The following MYOT variants were observed in gnomAD, a reference collection of about 807,000 sequenced individuals.
The protein encoded by MYOT is myotilin.
A neutral mutation model predicts 58.0 loss-of-function variants in MYOT; 36 were observed. The ratio of observed to expected loss-of-function variants is 0.62; its 90% CI spans 0.48 to 0.82. The LOEUF (loss-of-function observed/expected upper bound fraction) is 0.82. Ranked by LOEUF, MYOT falls within the 40% of genes least tolerant of loss-of-function variation. The pLI, the probability that MYOT is intolerant of heterozygous loss-of-function variation, is 0.00. For missense variants in MYOT, 505 were observed against 592.1 expected, an observed-to-expected ratio of 0.85 and a Z score of 1.53; for synonymous variants, 218 against 204.6, an observed-to-expected ratio of 1.07 and a Z score of -0.56.
chr5:137,868,356 C>A (rs1013181751), intron 1 of MYOT, among the ~76,000 whole-genome samples: 5 of 152,058 alleles, frequency 3.3e-5, no homozygotes, highest in African/African-American at 9.7e-5. Context: ...TTATAAAAAT[C>A]TTTGAAATTC....
chr5:137,876,736 G>A (rs1436424248), intron 3 of MYOT, among the ~76,000 whole-genome samples: 4 of 152,138 alleles, frequency 2.6e-5, no homozygotes, highest in African/African-American at 4.8e-5. Context: ...CCCAGGAGGC[G>A]TAGGTCGCCA....
intron 4 of MYOT, 182 bp from the exon 5 acceptor site, chr5:137,880,634 C>T (rs1755395655): frequency 3.7e-6 from 2 of 544,520 alleles, no homozygotes; most frequent in Non-Finnish European, 6.7e-6. Flanking sequence ...GGGCTTCTTG[C>T]TAGAGTGGTA....
At position 137,887,462 on chromosome 5, in the gene MYOT, A is replaced by T; in HGVS notation, c.*77A>T. On this transcript the variant is annotated 3_prime_UTR_variant, in exon 10 of 10. Coordinates refer to ENST00000239926, the MANE Select transcript of MYOT (RefSeq NM_006790.3). ...GATTACATTTTTTTGAAATTAATCC[A>T]TAGCTGTATTAACAGATTATGGTTT... The T allele has an allele frequency of 7.3e-7, 1 of 1,361,700 alleles. No individual in the cohort carries two copies. 84.4% of individuals were successfully genotyped at this position (1,361,700 alleles called of 1,614,324 possible).
chr5:137,887,363 T>C lies in MYOT; in HGVS notation c.1475T>C (p.Leu492Pro). Residue 492 changes from leucine (L) to proline (P), a missense_variant, in exon 10 of 10, where the codon CTC becomes CCC. By Grantham distance (98) the Leu-to-Pro change is moderately conservative (BLOSUM62 -3). Transcript: ENST00000239926. ...CAGCGTTTGGCAGCTCAATCTGGAC[T>C]CTATGAAAGTGAAGAACTTTAATAA... ...EFQRLAAQSG[L>P]YESEEL 1.2e-6 allele frequency: 2 copies of C among 1,614,020 alleles called. No individual in the cohort carries two copies. The highest frequency in any genetic ancestry group is 1.7e-6 in the Non-Finnish European group (2 of 1,179,944).
In MYOT at chr5:137,878,835, A is replaced by G. The variant is rs184155146; in HGVS notation, c.633+1214A>G. On this transcript the variant is annotated intron_variant, in intron 4 of 9. Coordinates refer to ENST00000239926, the MANE Select transcript of MYOT (RefSeq NM_006790.3). ...GACTCCATCTCAAACACAAAAAAGA[A>G]AAAAGAAAAATGTTCAGTTGGACAG... 2.4e-3 allele frequency among the ~76,000 whole-genome samples: 360 copies of G among 152,266 alleles called. 5 individuals are homozygous for G. The highest frequency in any genetic ancestry group is 0.02 in the Admixed American group (309 of 15,302).
intron 8 of MYOT, chr5:137,886,658 C>T (rs1755610471): frequency 3.2e-6 from 2 of 616,404 alleles, no homozygotes; most frequent in Admixed American, 2.6e-5. Context: ...TGACAGGGAC[C>T]ATCAGGGGAC....
At chr5:137,880,779 T>C (rs756397543) in intron 4 of MYOT, 37 bp from the exon 5 acceptor site, 83 of 1,546,894 alleles carry the variant, frequency 5.4e-5, no homozygotes, top group Middle Eastern at 1.7e-4. Flanking sequence ...AAGCTAACAA[T>C]TGCATGTAAA....
rs137952692 is a variant in MYOT, at chr5:137,877,544, G to T, written c.556G>T (p.Ala186Ser). 13 of 1,613,380 alleles carry T rather than the reference G, an allele frequency of 8.1e-6. No homozygotes were observed. Among genetic ancestry groups the T allele is most frequent in the Admixed American group, 1.7e-5 (1 of 59,968 alleles). Residue 186 changes from alanine to serine, a missense_variant, in exon 4 of 10, where the codon GCT becomes TCT. By Grantham distance (99) the Ala-to-Ser change is moderately conservative. Transcript: ENST00000239926. ...NQRLTYEEKM[A>S]RRLLGPQNAA... ...GCGTCTAACATATGAAGAGAAGATGGCTCGCAGATTGCTAGGACCACAGAA... is the reference window on the plus strand; with the variant it reads ...GCGTCTAACATATGAAGAGAAGATGTCTCGCAGATTGCTAGGACCACAGAA...
intron 2 of MYOT, among the ~76,000 whole-genome samples, chr5:137,874,330 G>A (rs1755141671): frequency 6.6e-6 from 1 of 152,140 alleles, no homozygotes; most frequent in East Asian, 1.9e-4. Flanking sequence ...AGCTGAGCAT[G>A]GTGGCGGGTG....
rs764028746 is a variant in MYOT, at chr5:137,886,188, G to A, written c.1165G>A (p.Val389Ile). 2.5e-6 allele frequency: 4 copies of A among 1,611,782 alleles called. No homozygotes were observed. Among genetic ancestry groups the A allele is most frequent in the South Asian group, 2.2e-5 (2 of 90,968 alleles). Reference protein sequence around the residue: ...KLFWKRNNEMVQFNTDRISLY... With the variant: ...KLFWKRNNEMIQFNTDRISLY... ...TTTCTGGAAAAGAAATAATGAAATGGTACAATTCAACACTGACCGAATAAG... is the reference window on the plus strand; with the variant it reads ...TTTCTGGAAAAGAAATAATGAAATGATACAATTCAACACTGACCGAATAAG... Residue 389 changes from valine (V) to isoleucine (I), a missense_variant, in exon 8 of 10, where the codon GTA becomes ATA. By Grantham distance (29) the Val-to-Ile change is conservative. Coordinates refer to ENST00000239926, the MANE Select transcript of MYOT (RefSeq NM_006790.3).
At chr5:137,883,697 T>C (rs1385988619) in intron 7 of MYOT, 106 bp downstream of exon 7, 2 of 1,008,260 alleles carry the variant, frequency 2.0e-6, no homozygotes, top group Non-Finnish European at 3.0e-6. Context: ...TTAAGGTTAA[T>C]GTCTATACAA....
intron 4 of MYOT, among the ~76,000 whole-genome samples, chr5:137,880,133 C>T (rs1275601090): frequency 6.6e-6 from 1 of 152,196 alleles, no homozygotes; most frequent in Admixed American, 6.5e-5. Context: ...GCAAAATACA[C>T]ACTACTTAAT....
intron 1 of MYOT, among the ~76,000 whole-genome samples, chr5:137,869,104 C>T (rs1754960028): frequency 6.6e-6 from 1 of 152,064 alleles, no homozygotes; most frequent in African/African-American, 2.4e-5. Flanking sequence ...TAGGATGAAA[C>T]TCTTTGGTCT....
At chr5:137,885,456 T>A (rs1028458696) in intron 7 of MYOT, among the ~76,000 whole-genome samples, 1 of 152,132 alleles carries the variant, frequency 6.6e-6, no homozygotes, top group East Asian at 1.9e-4. Flanking sequence ...TGCCTCCCTG[T>A]AGATGAGATG....
chr5:137,870,607 C>T lies in MYOT; in HGVS notation c.-45C>T. On this transcript the variant is annotated 5_prime_UTR_variant, in exon 2 of 10. Coordinates refer to ENST00000239926, the MANE Select transcript of MYOT (RefSeq NM_006790.3). ...GGGCCCCACCCTTCCAGGAACAAAT[C>T]ATTATAGTAATAATTTGCCTTCATC... is the stretch of plus-strand genomic sequence containing the variant. 3 of 1,529,330 alleles carry T rather than the reference C, an allele frequency of 2.0e-6. No homozygotes were observed. The South Asian group carries it at 3.4e-5, about 17-fold the overall frequency. 94.7% of individuals were successfully genotyped at this position (1,529,330 alleles called of 1,614,324 possible). A position where few individuals can be genotyped will look rare whatever the true frequency, so the allele number is the denominator to read the frequency against.
In MYOT at chr5:137,875,843, CA is replaced by C. The variant is rs781353247; in HGVS notation, c.372del (p.Ala125LeufsTer5). On this transcript the variant is annotated frameshift_variant, in exon 3 of 10. Coordinates refer to ENST00000239926, the MANE Select transcript of MYOT (RefSeq NM_006790.3). LOFTEE classifies it high-confidence loss of function. ...SAMDSNYQQSSAGQPINAKPS... is the reference protein window; with the variant it reads ...SAMDSNYQQSXAGQPINAKPS... ...CCTTTTTAAAGCTATCAACAGTCCT[CA>C]GCTGGCCAACCTATAAATGCAAAGC... The C allele has an allele frequency of 3.7e-6, 6 of 1,613,946 alleles. No individual in the cohort carries two copies. The highest frequency in any genetic ancestry group is 1.6e-4 in the Middle Eastern group (1 of 6,080).
intron 1 of MYOT, among the ~76,000 whole-genome samples, chr5:137,869,419 A>G (rs1053820577): frequency 2.0e-5 from 3 of 152,216 alleles, no homozygotes; most frequent in Non-Finnish European, 4.4e-5. Context: ...AGACAAATAT[A>G]ATCCTTCAAG....
At chr5:137,875,709 G>C (rs1490023177) in intron 2 of MYOT, 120 bp from the exon 3 acceptor site, 1 of 858,368 alleles carries the variant, frequency 1.2e-6, no homozygotes, top group Non-Finnish European at 1.9e-6. Context: ...CTGTTATTAG[G>C]GCAATTTGTT....
intron 1 of MYOT, among the ~76,000 whole-genome samples, chr5:137,869,738 C>T (rs565940158): frequency 2.0e-5 from 3 of 151,060 alleles, no homozygotes; most frequent in Admixed American, 1.3e-4. Flanking sequence ...AAAAGTAAAA[C>T]TCTAGATAAT....
Sources: gnomAD v4.1 joint callset for allele counts (sites outside exome capture counted in the v4.1 genomes callset) on GRCh38, gnomAD v4.1.1 for gene constraint, MANE v1.5 for transcripts, NCBI Gene and HGNC (gene_info 2026-07-23, HGNC 2026-07-21) for gene names.